Variants in ERBB4 observed in about 807,000 individuals in gnomAD.
ERBB4 encodes the protein erb-b2 receptor tyrosine kinase 4.
Under a neutral mutation model 158.0 loss-of-function variants are expected in ERBB4, and 42 were observed. That is an observed-to-expected ratio of 0.27 (90% CI 0.21 to 0.34). The LOEUF (loss-of-function observed/expected upper bound fraction) is 0.34. Ranked by LOEUF, ERBB4 falls within the 10% of genes least tolerant of loss-of-function variation. ERBB4 has a pLI of 1.00. For missense variants in ERBB4, 1,333 were observed against 1,624.1 expected (o/e 0.82, Z 3.08); for synonymous variants, 583 against 558.7 (o/e 1.04, Z -0.61).
intron 1 of ERBB4, among the ~76,000 whole-genome samples, chr2:212,267,103 TA>T (rs1408814724): frequency 6.6e-6 from 1 of 151,930 alleles, no homozygotes; most frequent in African/African-American, 2.4e-5. Flanking sequence ...ACACAGAGTA[TA>T]AAAATGCCAA....
Position 211,580,812 on chromosome 2 carries a change from A to G in ERBB4, c.2302-18724T>C, listed in dbSNP as rs867261762. On this transcript the variant is annotated intron_variant, in intron 19 of 27. Coordinates refer to ENST00000342788, the MANE Select transcript of ERBB4 (RefSeq NM_005235.3). ...GATATATATATATATATATATATAT[A>G]ATATATATATATTATATATATAGAT... Among the ~76,000 whole-genome samples the G allele has an allele frequency of 1.9e-4, 9 of 48,272 alleles. 1 individual carries two copies. The highest frequency in any genetic ancestry group is 3.1e-4 in the Non-Finnish European group (9 of 29,298). The allele number at this position is 48,272 out of a possible 152,430, so 31.7% of individuals were successfully genotyped here.
At chr2:211,712,223 G>C in intron 8 of ERBB4, 47 bp from the exon 9 acceptor site, 2 of 1,600,802 alleles carry the variant, frequency 1.2e-6, no homozygotes, top group East Asian at 4.5e-5. Context: ...ACTTATTTTT[G>C]GCCAATAAAT....
chr2:212,012,566 C>T (rs542820954), intron 2 of ERBB4, among the ~76,000 whole-genome samples: 12 of 152,206 alleles, frequency 7.9e-5, no homozygotes, highest in Admixed American at 3.9e-4. Context: ...AGGCGCTTGC[C>T]GCCATGTCCA....
intron 1 of ERBB4, among the ~76,000 whole-genome samples, chr2:212,271,372 A>T (rs1051653509): frequency 6.6e-6 from 1 of 151,728 alleles, no homozygotes. Context: ...GTATTTTTTC[A>T]TATGTGGTAT....
chr2:211,787,654 T>C (rs1012846666), intron 4 of ERBB4, among the ~76,000 whole-genome samples: 4 of 152,170 alleles, frequency 2.6e-5, no homozygotes, highest in Admixed American at 1.3e-4. Flanking sequence ...GGAAGGTACA[T>C]TTTTGTTCTA....
chr2:211,992,580 A>C (rs960187591), intron 2 of ERBB4, among the ~76,000 whole-genome samples: 5 of 151,708 alleles, frequency 3.3e-5, no homozygotes, highest in Admixed American at 2.6e-4. Flanking sequence ...AAAAAAAAAA[A>C]ACATGAGTTT....
At chr2:212,388,744 T>G (rs1244146373) in intron 1 of ERBB4, among the ~76,000 whole-genome samples, 1 of 152,116 alleles carries the variant, frequency 6.6e-6, no homozygotes, top group Non-Finnish European at 1.5e-5. Flanking sequence ...TTAGGTATTA[T>G]GAAACATTAA....
Position 212,035,761 on chromosome 2 carries a change from T to C in ERBB4, c.235-88145A>G, listed in dbSNP as rs114316913. 7.4e-3 allele frequency among the ~76,000 whole-genome samples: 1,132 copies of C among 152,298 alleles called. 12 individuals carry two copies. Among genetic ancestry groups the C allele is most frequent in the African/African-American group, 0.025 (1,036 of 41,566 alleles). On this transcript the variant is annotated intron_variant, in intron 2 of 27. Transcript: ENST00000342788. The stretch of plus-strand genomic sequence containing the variant: ...ACAGTCCCTGGCATGTAATATGCAC[T>C]CAGCAGATACAATAAGTATTAATAT...
At chr2:211,773,139 T>C (rs2075758816) in intron 4 of ERBB4, among the ~76,000 whole-genome samples, 1 of 150,078 alleles carries the variant, frequency 6.7e-6, no homozygotes. Flanking sequence ...TTAAAAGCAG[T>C]TGAGGGAGTG....
chr2:212,212,412 A>C (rs1397931194), intron 1 of ERBB4, among the ~76,000 whole-genome samples: 4 of 151,982 alleles, frequency 2.6e-5, no homozygotes, highest in Non-Finnish European at 1.5e-5. Context: ...AGAAATAAGA[A>C]AGGACGCAGA....
chr2:212,216,955 T>C (rs2083118374), intron 1 of ERBB4, among the ~76,000 whole-genome samples: 1 of 151,422 alleles, frequency 6.6e-6, no homozygotes, highest in South Asian at 2.1e-4. Flanking sequence ...ATTTCCCCAC[T>C]TCATTTTTAA....
At chr2:212,085,724 G>T (rs1041031373) in intron 2 of ERBB4, among the ~76,000 whole-genome samples, 6 of 151,726 alleles carry the variant, frequency 4.0e-5, no homozygotes, top group African/African-American at 7.3e-5. Flanking sequence ...TATGTTATTT[G>T]TTAATATTTA....
In ERBB4 at chr2:212,061,402, G is replaced by A. The variant is rs145724806; in HGVS notation, c.234+63350C>T. Among the ~76,000 whole-genome samples, 980 of 138,356 alleles carry A rather than the reference G, an allele frequency of 7.1e-3. 11 individuals are homozygous for A. The highest frequency in any genetic ancestry group is 0.025 in the African/African-American group (904 of 36,690). 90.8% of individuals were successfully genotyped at this position (138,356 alleles called of 152,430 possible). The stretch of plus-strand genomic sequence containing the variant: ...CAGGAGGGGGAGGTTGCAGTGAGCC[G>A]CGATGGTTCCACTGCACTCCAGCCT... On this transcript the variant is annotated intron_variant, in intron 2 of 27. Transcript: ENST00000342788.
intron 20 of ERBB4, among the ~76,000 whole-genome samples, chr2:211,508,874 G>A (rs747764162): frequency 6.6e-6 from 1 of 152,036 alleles, no homozygotes; most frequent in Non-Finnish European, 1.5e-5. Context: ...AGCTTGCAGT[G>A]AGCTGAGATC....
chr2:212,287,876 G>T (rs2086056758), intron 1 of ERBB4, among the ~76,000 whole-genome samples: 1 of 152,068 alleles, frequency 6.6e-6, no homozygotes, highest in Non-Finnish European at 1.5e-5. Flanking sequence ...ACACATAGAG[G>T]GCAACAACAC....
intron 1 of ERBB4, among the ~76,000 whole-genome samples, chr2:212,483,052 G>T (rs922571511): frequency 6.6e-6 from 1 of 152,180 alleles, no homozygotes; most frequent in African/African-American, 2.4e-5. Flanking sequence ...GATAGAACAG[G>T]ATGAATGGCC....
intron 17 of ERBB4, among the ~76,000 whole-genome samples, chr2:211,628,273 T>G (rs1323301179): frequency 6.6e-6 from 1 of 152,132 alleles, no homozygotes; most frequent in Admixed American, 6.5e-5. Context: ...ACCCATTAAC[T>G]CATCATTTAA....
At chr2:211,925,044 T>A (rs1049466993) in intron 3 of ERBB4, among the ~76,000 whole-genome samples, 1 of 152,206 alleles carries the variant, frequency 6.6e-6, no homozygotes, top group Non-Finnish European at 1.5e-5. Context: ...CAATGAATGT[T>A]GTGAAGCATT....
chr2:212,030,613 G>T (rs1407173661), intron 2 of ERBB4, among the ~76,000 whole-genome samples: 3 of 152,130 alleles, frequency 2.0e-5, no homozygotes, highest in Non-Finnish European at 4.4e-5. Context: ...CAGTGACAAA[G>T]AGTGTGTTAT....
Sources: gnomAD v4.1 joint callset for allele counts (sites outside exome capture counted in the v4.1 genomes callset) on GRCh38, gnomAD v4.1.1 for gene constraint, MANE v1.5 for transcripts, NCBI Gene and HGNC (gene_info 2026-07-23, HGNC 2026-07-21) for gene names.